The following LTN1 variants were observed in gnomAD, a reference collection of about 807,000 sequenced individuals.
The protein encoded by LTN1 is listerin E3 ubiquitin protein ligase 1.
LTN1 carries 88 observed loss-of-function variants against 201.2 expected under a neutral mutation model. The observed-to-expected ratio is 0.44, with a 90% CI of 0.37 to 0.52. The LOEUF (loss-of-function observed/expected upper bound fraction) is 0.52. Among genes scored for constraint, LTN1 ranks in the 20% least tolerant of loss-of-function variants. The pLI is 0.00. For missense variants in LTN1, 1,752 were observed against 2,038.7 expected (o/e 0.86, Z 2.71); for synonymous variants, 645 against 713.5 (o/e 0.90, Z 1.53).
rs180826150 is a variant in LTN1, at chr21:28,935,535, A to C, written c.4655-206T>G. ...AAATGAACCATAAGAATGGCAAAAG[A>C]ATTTTTTTTTAAAGTGAAAATCCCG... is the stretch of plus-strand genomic sequence containing the variant. On this transcript the variant is annotated intron_variant, in intron 26 of 29. Transcript: ENST00000361371. Among the ~76,000 whole-genome samples the C allele has an allele frequency of 1.7e-3, 260 of 152,250 alleles. 2 individuals carry two copies. Among genetic ancestry groups the C allele is most frequent in the African/African-American group, 5.9e-3 (246 of 41,554 alleles).
intron 27 of LTN1, among the ~76,000 whole-genome samples, chr21:28,933,877 T>C (rs756205853): frequency 6.6e-6 from 1 of 152,182 alleles, no homozygotes; most frequent in Non-Finnish European, 1.5e-5. Context: ...GGTTTCTCCA[T>C]GTTGGCCAGG....
intron 6 of LTN1, among the ~76,000 whole-genome samples, chr21:28,978,472 A>T (rs1252474703): frequency 6.6e-6 from 1 of 152,240 alleles, no homozygotes; most frequent in Non-Finnish European, 1.5e-5. Flanking sequence ...TTAACACCAA[A>T]TGAAAAGGTA....
intron 1 of LTN1, among the ~76,000 whole-genome samples, chr21:28,990,844 T>C (rs1268271431): frequency 6.6e-6 from 1 of 152,184 alleles, no homozygotes; most frequent in Non-Finnish European, 1.5e-5. Flanking sequence ...TAAACAGTAC[T>C]GAGAAACTGT....
rs755856707 is a variant in LTN1 at position 28,947,508 on chromosome 21, G to T, written c.3443C>A (p.Pro1148His). 1 of 1,578,640 alleles carries T rather than the reference G, an allele frequency of 6.3e-7. No homozygotes were observed. The highest frequency in any genetic ancestry group is 1.9e-5 in the Admixed American group (1 of 53,806). The change falls in exon 19 of 30, where the codon CCT becomes CAT. Residue 1148 changes from proline to histidine, a missense_variant. Pro to His is a moderately conservative substitution (Grantham distance 77). Around this residue, in one of 3 missense-constraint regions of LTN1, gnomAD observed 1,211 missense variants for 1,312.8 expected, o/e 0.92. Transcript: ENST00000361371. ...EKKEFSAQCI[P>H]ALLGWTKKDL... is the part of the protein sequence containing the mutation. ...TTTCTTAGTCCAGCCCAAAAGAGCA[G>T]GTATACATTGAGCACTAAATTCTTT...
intron 6 of LTN1, among the ~76,000 whole-genome samples, chr21:28,972,566 G>A (rs1346149625): frequency 1.3e-5 from 2 of 152,148 alleles, no homozygotes; most frequent in Non-Finnish European, 2.9e-5. Flanking sequence ...CTGGAGGTTA[G>A]ATACAAATAA....
intron 21 of LTN1, 125 bp downstream of exon 21, chr21:28,945,682 G>C (rs1315746693): frequency 1.3e-6 from 1 of 779,514 alleles, no homozygotes; most frequent in Non-Finnish European, 2.0e-6. Context: ...CATCTATAAA[G>C]TGTTTTAAAT....
intron 17 of LTN1, 84 bp downstream of exon 17, chr21:28,953,133 T>C: frequency 1.2e-6 from 1 of 848,870 alleles, no homozygotes; most frequent in Non-Finnish European, 1.8e-6. Context: ...AACATTAGCA[T>C]GCAGTAGGGT....
At chr21:28,964,359 TC>T (rs1206190893) in intron 11 of LTN1, among the ~76,000 whole-genome samples, 1 of 152,226 alleles carries the variant, frequency 6.6e-6, no homozygotes, top group Admixed American at 6.5e-5. Context: ...GGCAAGACTC[TC>T]CATCAGCAAA....
At chr21:28,954,587 C>T (rs2084409475) in intron 16 of LTN1, among the ~76,000 whole-genome samples, 1 of 152,174 alleles carries the variant, frequency 6.6e-6, no homozygotes, top group East Asian at 1.9e-4. Context: ...CAGACACACA[C>T]AGACCAATGG....
chr21:28,951,078 T>C (rs2084378665), intron 18 of LTN1, among the ~76,000 whole-genome samples: 2 of 151,120 alleles, frequency 1.3e-5, no homozygotes, highest in Non-Finnish European at 3.0e-5. Context: ...GTCAACTGAC[T>C]GTATCAATGC....
At chr21:28,977,144 C>G (rs567801903) in intron 6 of LTN1, among the ~76,000 whole-genome samples, 2 of 152,268 alleles carry the variant, frequency 1.3e-5, no homozygotes, top group East Asian at 3.9e-4. Context: ...GAGGCCGAGG[C>G]AGGTGGATCA....
rs536009144 is a variant in LTN1, at chr21:28,935,046, A to T, written c.4875+63T>A. 5 of 1,044,918 alleles carry T rather than the reference A, an allele frequency of 4.8e-6. No homozygotes were observed. In the East Asian group the frequency reaches 1.2e-4, roughly 25 times the overall value. 64.7% of individuals were successfully genotyped at this position (1,044,918 alleles called of 1,614,324 possible). On this transcript the variant is annotated intron_variant, in intron 27 of 29. Coordinates refer to ENST00000361371, the MANE Select transcript of LTN1 (RefSeq NM_015565.3). ...AAGAGCTACAGTCTGTTATGATATT[A>T]ACAATGACAGACATACCCAATATTA...
At chr21:28,961,055 C>G (rs1200013933) in intron 11 of LTN1, among the ~76,000 whole-genome samples, 1 of 149,984 alleles carries the variant, frequency 6.7e-6, no homozygotes, top group Non-Finnish European at 1.5e-5. Context: ...CACTGCTTTT[C>G]TCTGAATTTC....
At chr21:28,938,225 C>A (rs2084271109) in intron 25 of LTN1, among the ~76,000 whole-genome samples, 1 of 152,128 alleles carries the variant, frequency 6.6e-6, no homozygotes, top group South Asian at 2.1e-4. Context: ...AATTAAATTT[C>A]TTGAGTATAA....
chr21:28,983,465 G>A (rs1392710534), intron 4 of LTN1, among the ~76,000 whole-genome samples: 2 of 152,168 alleles, frequency 1.3e-5, no homozygotes, highest in Admixed American at 1.3e-4. Flanking sequence ...TATGATTAAA[G>A]CTACAAACCC....
intron 22 of LTN1, 35 bp downstream of exon 22, chr21:28,944,348 G>A: frequency 6.6e-7 from 1 of 1,505,196 alleles, no homozygotes; most frequent in Non-Finnish European, 9.2e-7. Flanking sequence ...CATTTCCAAT[G>A]AATCAATCTC....
chr21:28,956,127 G>A (rs867730756), intron 16 of LTN1, among the ~76,000 whole-genome samples: 21 of 152,036 alleles, frequency 1.4e-4, no homozygotes, highest in Non-Finnish European at 4.4e-5. Context: ...GAAGGGTCAG[G>A]GAGAGCAGGG....
chr21:28,961,904 G>A (rs1004391127), intron 11 of LTN1, among the ~76,000 whole-genome samples: 2 of 151,984 alleles, frequency 1.3e-5, no homozygotes, highest in African/African-American at 4.8e-5. Context: ...CCAGCTACTC[G>A]GGAGGCTGAG....
intron 1 of LTN1, among the ~76,000 whole-genome samples, chr21:28,991,290 CAA>C (rs11326324): frequency 2.2e-3 from 308 of 137,400 alleles, no homozygotes; most frequent in Non-Finnish European, 2.4e-3. Context: ...CCCTGTCTTA[CAA>C]AAAAAAAAAA....
Sources: gnomAD v4.1 joint callset for allele counts (sites outside exome capture counted in the v4.1 genomes callset) on GRCh38, gnomAD v4.1.1 for gene constraint, gnomAD v4.1.1 regional missense constraint, MANE v1.5 for transcripts, NCBI Gene and HGNC (gene_info 2026-07-23, HGNC 2026-07-21) for gene names.